NTN4: variants seen among roughly 807,000 people sequenced by gnomAD.
NTN4 encodes netrin 4.
A neutral mutation model predicts 73.6 loss-of-function variants in NTN4; 32 were observed. The ratio of observed to expected loss-of-function variants is 0.44; its 90% CI spans 0.33 to 0.58. The LOEUF is 0.58. Among genes scored for constraint, NTN4 ranks in the 20% least tolerant of loss-of-function variants. NTN4 has a pLI of 0.04. For synonymous variants in NTN4, 258 were observed against 287.5 expected, an observed-to-expected ratio of 0.90 and a Z score of 1.04; for missense variants, 654 against 798.3, an observed-to-expected ratio of 0.82 and a Z score of 2.18.
At chr12:95,681,446 G>T (rs1391759111) in intron 7 of NTN4, among the ~76,000 whole-genome samples, 2 of 152,142 alleles carry the variant, frequency 1.3e-5, no homozygotes, top group Admixed American at 1.3e-4. Flanking sequence ...CCCTTTGAAG[G>T]TGTGTATGGG....
intron 4 of NTN4, among the ~76,000 whole-genome samples, chr12:95,712,787 C>CTTTTTT (rs35614636): frequency 4.3e-4 from 45 of 105,696 alleles, no homozygotes; most frequent in East Asian, 1.1e-3. Flanking sequence ...TTCTTTCTTT[C>CTTTTTT]TTTTTTTTTT....
chr12:95,684,993 C>G (rs1407243168), intron 5 of NTN4, among the ~76,000 whole-genome samples: 2 of 152,098 alleles, frequency 1.3e-5, no homozygotes, highest in African/African-American at 4.8e-5. Context: ...CTTCAGCTTC[C>G]CAGGTAGCTG....
chr12:95,683,162 C>T (rs1055183969), intron 6 of NTN4, among the ~76,000 whole-genome samples: 2 of 152,156 alleles, frequency 1.3e-5, no homozygotes, highest in South Asian at 2.1e-4. Context: ...CGGGTTCAAG[C>T]GATTCTGCTG....
At chr12:95,739,634 C>G (rs565672318) in intron 2 of NTN4, among the ~76,000 whole-genome samples, 1 of 152,290 alleles carries the variant, frequency 6.6e-6, no homozygotes, top group Non-Finnish European at 1.5e-5. Flanking sequence ...AGGAAGAACC[C>G]TTGCTCTAAA....
intron 7 of NTN4, among the ~76,000 whole-genome samples, chr12:95,677,277 C>A (rs1411140132): frequency 6.6e-6 from 1 of 151,756 alleles, no homozygotes; most frequent in East Asian, 1.9e-4. Context: ...ATTACCAACA[C>A]CAAATCACAA....
intron 3 of NTN4, among the ~76,000 whole-genome samples, chr12:95,727,592 A>T (rs1347246594): frequency 2.0e-5 from 3 of 152,178 alleles, no homozygotes; most frequent in Non-Finnish European, 2.9e-5. Context: ...CATTTTGGTT[A>T]ATTTTTGTTA....
intron 2 of NTN4, among the ~76,000 whole-genome samples, chr12:95,775,376 G>A (rs575008034): frequency 1.3e-5 from 2 of 152,322 alleles, no homozygotes; most frequent in East Asian, 1.9e-4. Context: ...GCCAAAGCAG[G>A]GCGAGGCATC....
chr12:95,687,739 C>T (rs2078372699), intron 5 of NTN4, among the ~76,000 whole-genome samples: 1 of 152,080 alleles, frequency 6.6e-6, no homozygotes, highest in African/African-American at 2.4e-5. Flanking sequence ...GTTGATATGC[C>T]TATCTCTCTT....
intron 2 of NTN4, among the ~76,000 whole-genome samples, chr12:95,753,430 A>C (rs2078925045): frequency 6.8e-6 from 1 of 146,342 alleles, no homozygotes; most frequent in South Asian, 2.4e-4. Flanking sequence ...AATACCTCTT[A>C]GTCTAAATAG....
intron 3 of NTN4, among the ~76,000 whole-genome samples, chr12:95,734,727 A>G (rs546839230): frequency 2.2e-4 from 33 of 152,320 alleles, no homozygotes; most frequent in Non-Finnish European, 4.3e-4. Flanking sequence ...TGCTCAGTGA[A>G]GCAATCATAG....
At chr12:95,701,905 A>G (rs1407641086) in intron 5 of NTN4, among the ~76,000 whole-genome samples, 3 of 152,198 alleles carry the variant, frequency 2.0e-5, no homozygotes, top group Non-Finnish European at 2.9e-5. Flanking sequence ...TATTACATGT[A>G]TCATAGATGC....
At chr12:95,711,494 T>G (rs943698591) in intron 4 of NTN4, among the ~76,000 whole-genome samples, 1 of 152,228 alleles carries the variant, frequency 6.6e-6, no homozygotes, top group African/African-American at 2.4e-5. Flanking sequence ...ATTGCAGATG[T>G]AGGCATGAAT....
chr12:95,663,559 A>C (rs1480090424), intron 9 of NTN4: 1 of 152,242 alleles, frequency 6.6e-6, no homozygotes, highest in Non-Finnish European at 1.5e-5. Flanking sequence ...TTTCTTTTCC[A>C]AAGTAGCCAA....
rs2079189015 is a variant in NTN4, at chr12:95,789,016, C to T, written c.55+1239G>A. 6.6e-6 allele frequency among the ~76,000 whole-genome samples: 1 copy of T among 151,992 alleles called. No homozygotes were observed. The highest frequency in any genetic ancestry group is 1.5e-5 in the Non-Finnish European group (1 of 68,008). ...TTTTAAAGCTCATATTTTAAGAGTG[C>T]AAGAATTAAAGTAAAATCTTAGGCC... On this transcript the variant is annotated intron_variant, in intron 1 of 9. Transcript: ENST00000343702. The surrounding 1 kb of genome is among the most constrained non-coding windows in gnomAD (Gnocchi z 4.0).
chr12:95,751,105 T>C (rs2078903744), intron 2 of NTN4, among the ~76,000 whole-genome samples: 1 of 152,192 alleles, frequency 6.6e-6, no homozygotes, highest in Admixed American at 6.5e-5. Context: ...GGCCGTCTTA[T>C]TCTCAAAATA....
chr12:95,692,830 C>T (rs1367330430), intron 5 of NTN4, among the ~76,000 whole-genome samples: 1 of 152,074 alleles, frequency 6.6e-6, no homozygotes, highest in Non-Finnish European at 1.5e-5. Context: ...TAGATTCTAT[C>T]CAGAACTAGA....
intron 3 of NTN4, among the ~76,000 whole-genome samples, chr12:95,715,218 T>G (rs1406369818): frequency 6.6e-6 from 1 of 152,142 alleles, no homozygotes; most frequent in Non-Finnish European, 1.5e-5. Flanking sequence ...CTGGAAAATT[T>G]CATAAGCAAT....
At chr12:95,748,815 G>C (rs1008008916) in intron 2 of NTN4, among the ~76,000 whole-genome samples, 10 of 152,264 alleles carry the variant, frequency 6.6e-5, no homozygotes, top group Non-Finnish European at 1.3e-4. Flanking sequence ...CTGTGTCTAA[G>C]CCTGGTTGGA....
chr12:95,684,297 G>A (rs978226557), intron 5 of NTN4, among the ~76,000 whole-genome samples: 1 of 151,946 alleles, frequency 6.6e-6, no homozygotes. Context: ...GCTCTTTTGA[G>A]GAGCTTTGCT....
Sources: gnomAD v4.1 joint callset for allele counts (sites outside exome capture counted in the v4.1 genomes callset) on GRCh38, gnomAD v4.1.1 for gene constraint, Gnocchi (gnomAD v3.1) non-coding constraint, MANE v1.5 for transcripts, NCBI Gene and HGNC (gene_info 2026-07-23, HGNC 2026-07-21) for gene names.